Variants in TMEM232 observed in about 807,000 individuals in gnomAD.
TMEM232 encodes the protein transmembrane protein 232.
In TMEM232, 80 loss-of-function variants were observed where a neutral mutation model predicts 78.8. That is an observed-to-expected ratio of 1.01 (90% CI 0.85 to 1.22). The LOEUF (loss-of-function observed/expected upper bound fraction) is 1.22. Among genes scored for constraint, TMEM232 ranks in the 50% most tolerant of loss-of-function variants. The pLI, the probability that TMEM232 is intolerant of heterozygous loss-of-function variation, is 0.00. For missense variants in TMEM232, 881 were observed against 742.2 expected, an observed-to-expected ratio of 1.19 and a Z score of -2.17; for synonymous variants, 297 against 254.3, an observed-to-expected ratio of 1.17 and a Z score of -1.60.
intron 12 of TMEM232, among the ~76,000 whole-genome samples, chr5:110,466,814 G>A (rs313602): frequency 0.3 from 45,963 of 151,132 alleles, 12,047 homozygotes; most frequent in African/African-American, 0.71. Context: ...ACGGGGTTTC[G>A]CTGTATTAGC....
chr5:110,412,261 C>T (rs1756025024), intron 2 of TMEM232, among the ~76,000 whole-genome samples: 1 of 152,188 alleles, frequency 6.6e-6, no homozygotes, highest in South Asian at 2.1e-4. Flanking sequence ...CAGCCTCTGA[C>T]AGCAGGAGAT....
intron 12 of TMEM232, among the ~76,000 whole-genome samples, chr5:110,427,760 G>A (rs1757401738): frequency 6.6e-6 from 1 of 151,870 alleles, no homozygotes; most frequent in South Asian, 2.1e-4. Context: ...ACTCCTGTCT[G>A]TGTCTCTGTC....
chr5:110,602,127 C>T (rs1780990888), intron 10 of TMEM232, among the ~76,000 whole-genome samples: 1 of 152,108 alleles, frequency 6.6e-6, no homozygotes, highest in African/African-American at 2.4e-5. Context: ...CTTACTTAAA[C>T]CTTATACAAA....
chr5:110,544,245 A>G (rs1773502820), intron 11 of TMEM232, among the ~76,000 whole-genome samples: 3 of 152,110 alleles, frequency 2.0e-5, no homozygotes, highest in Non-Finnish European at 4.4e-5. Flanking sequence ...AACTTTATTG[A>G]TTTACTATTA....
chr5:110,622,417 A>G (rs1205856284), intron 7 of TMEM232, among the ~76,000 whole-genome samples: 1 of 152,186 alleles, frequency 6.6e-6, no homozygotes, highest in African/African-American at 2.4e-5. Context: ...TATTATTACT[A>G]CCAAGTGACA....
At chr5:110,443,181 C>T (rs1759258203) in intron 12 of TMEM232, among the ~76,000 whole-genome samples, 1 of 152,158 alleles carries the variant, frequency 6.6e-6, no homozygotes, top group Non-Finnish European at 1.5e-5. Context: ...ATTGTGCTCC[C>T]CCCGCTCCTG....
chr5:110,542,606 C>A (rs73783628), intron 11 of TMEM232, among the ~76,000 whole-genome samples: 2 of 152,078 alleles, frequency 1.3e-5, no homozygotes, highest in African/African-American at 2.4e-5. Context: ...GAAAGACCAT[C>A]GGTCCTTCTG....
intron 11 of TMEM232, among the ~76,000 whole-genome samples, chr5:110,559,913 A>G (rs984842173): frequency 1.3e-5 from 2 of 152,086 alleles, no homozygotes; most frequent in Non-Finnish European, 2.9e-5. Flanking sequence ...GAATCACTCC[A>G]GTCTTTACCT....
intron 10 of TMEM232, among the ~76,000 whole-genome samples, chr5:110,604,514 C>T (rs939861710): frequency 6.6e-6 from 1 of 152,022 alleles, no homozygotes; most frequent in Admixed American, 6.6e-5. Context: ...GAAGATAAAT[C>T]CTATGGGGAA....
intron 12 of TMEM232, among the ~76,000 whole-genome samples, chr5:110,447,247 T>G (rs1759760734): frequency 6.6e-6 from 1 of 152,064 alleles, no homozygotes; most frequent in South Asian, 2.1e-4. Flanking sequence ...ATATTGCCTC[T>G]TAGAACAAAT....
At chr5:110,705,754 ATGTG>A (rs1275474588) in intron 1 of TMEM232, among the ~76,000 whole-genome samples, 1 of 135,112 alleles carries the variant, frequency 7.4e-6, no homozygotes, top group African/African-American at 3.0e-5. Flanking sequence ...GTGTGTGTGT[ATGTG>A]TGTGCGTGTG....
At chr5:110,722,691 C>T (rs1040195080) in intron 1 of TMEM232, among the ~76,000 whole-genome samples, 3 of 152,130 alleles carry the variant, frequency 2.0e-5, no homozygotes, top group Non-Finnish European at 4.4e-5. Flanking sequence ...ATTGGTCATA[C>T]AGAAGGGCCA....
At chr5:110,491,580 T>C (rs1037789016) in intron 12 of TMEM232, among the ~76,000 whole-genome samples, 4 of 152,012 alleles carry the variant, frequency 2.6e-5, no homozygotes, top group African/African-American at 9.7e-5. Context: ...TAGGTTGAGG[T>C]AGTAGTTATA....
intron 12 of TMEM232, among the ~76,000 whole-genome samples, chr5:110,445,605 C>A (rs1046411914): frequency 7.9e-5 from 12 of 152,020 alleles, no homozygotes; most frequent in Non-Finnish European, 1.6e-4. Context: ...AAACAAAAAA[C>A]ATTTACCATT....
chr5:110,490,145 GAAAGAAAGAAAGAAAGA>G (rs1764894769), intron 12 of TMEM232, among the ~76,000 whole-genome samples: 1 of 122,788 alleles, frequency 8.1e-6, no homozygotes, highest in Non-Finnish European at 1.6e-5. Context: ...AAGAAAGAAA[GAAAGAAAGAAAGAAAGA>G]AAGAAAGAAA....
chr5:110,403,572 T>A (rs2112572024), intron 2 of TMEM232, among the ~76,000 whole-genome samples: 1 of 152,234 alleles, frequency 6.6e-6, no homozygotes, highest in Admixed American at 6.6e-5. Flanking sequence ...AAGCTTGTGA[T>A]GCTGCAGACC....
At chr5:110,506,776 T>C (rs1349051236) in intron 12 of TMEM232, among the ~76,000 whole-genome samples, 2 of 152,248 alleles carry the variant, frequency 1.3e-5, no homozygotes, top group African/African-American at 4.8e-5. Context: ...GATGCATCTC[T>C]GACTGTGGGA....
intron 2 of TMEM232, among the ~76,000 whole-genome samples, chr5:110,662,527 T>C (rs946892553): frequency 6.6e-5 from 10 of 152,138 alleles, no homozygotes; most frequent in African/African-American, 2.2e-4. Context: ...AAAATTAATA[T>C]GCAAGATACC....
intron 12 of TMEM232, among the ~76,000 whole-genome samples, chr5:110,520,367 A>G (rs1471277479): frequency 1.3e-5 from 2 of 152,120 alleles, no homozygotes; most frequent in Non-Finnish European, 2.9e-5. Flanking sequence ...GATCATTCTG[A>G]ACTTCTGAAA....
Sources: gnomAD v4.1 joint callset for allele counts (sites outside exome capture counted in the v4.1 genomes callset) on GRCh38, gnomAD v4.1.1 for gene constraint, MANE v1.5 for transcripts, NCBI Gene and HGNC (gene_info 2026-07-23, HGNC 2026-07-21) for gene names.